Variants in DOP1B observed in about 807,000 individuals in gnomAD.
DOP1B encodes protein DOP1B.
Under a neutral mutation model 233.5 loss-of-function variants are expected in DOP1B, and 174 were observed. That is an observed-to-expected ratio of 0.75 (90% CI 0.66 to 0.85). The LOEUF is 0.85. Among genes scored for constraint, DOP1B ranks in the 40% least tolerant of loss-of-function variants. The pLI is 0.00. For synonymous variants in DOP1B, 1,190 were observed against 1,185.6 expected, an observed-to-expected ratio of 1.00 and a Z score of -0.08; for missense variants, 2,652 against 2,846.6, an observed-to-expected ratio of 0.93 and a Z score of 1.56.
In DOP1B at chr21:36,263,056, G is replaced by A. The variant is rs2067191316; in HGVS notation, c.5316-490G>A. ...TCGAGATCAGCCTGGGCAACACGGT[G>A]AAACCCCGTCGCTACTAAAAATACA... On this transcript the variant is annotated intron_variant, in intron 24 of 36. Coordinates refer to ENST00000691173, the MANE Select transcript of DOP1B (RefSeq NM_001320714.2). 3.3e-5 allele frequency among the ~76,000 whole-genome samples: 5 copies of A among 152,006 alleles called. No homozygotes were observed. In the South Asian group the frequency reaches 1.0e-3, roughly 32 times the overall value.
intron 23 of DOP1B, among the ~76,000 whole-genome samples, chr21:36,258,634 C>T (rs1200799270): frequency 6.6e-6 from 1 of 152,192 alleles, no homozygotes. Flanking sequence ...TTGGGCGTCA[C>T]CCAGTCAGTT....
chr21:36,277,346 G>A (rs190735358), intron 28 of DOP1B, among the ~76,000 whole-genome samples: 1 of 151,944 alleles, frequency 6.6e-6, no homozygotes, highest in Non-Finnish European at 1.5e-5. Context: ...GCAGTGGCGC[G>A]ATCTCAGCTC....
Position 36,233,078 on chromosome 21 carries a change from A to G in DOP1B, c.2622+3A>G, listed in dbSNP as rs748169978. ...CAGAGAAAACAGATTTCTATCAGGTATTTCCCACTGGGAACACTCTTCTTA... is the reference window on the plus strand; with the variant it reads ...CAGAGAAAACAGATTTCTATCAGGTGTTTCCCACTGGGAACACTCTTCTTA... On this transcript the variant is annotated splice_donor_region_variant and intron_variant, in intron 15 of 36. Transcript: ENST00000691173. 12 of 1,613,770 alleles carry G rather than the reference A, an allele frequency of 7.4e-6. No homozygotes were observed. The highest frequency in any genetic ancestry group is 1.0e-5 in the Non-Finnish European group (12 of 1,179,820).
intron 4 of DOP1B, among the ~76,000 whole-genome samples, chr21:36,207,431 C>T (rs989517541): frequency 6.1e-4 from 93 of 151,534 alleles, no homozygotes; most frequent in Non-Finnish European, 2.1e-4. Flanking sequence ...GTGATCCACC[C>T]GCCTCAGCCT....
intron 2 of DOP1B, among the ~76,000 whole-genome samples, chr21:36,178,652 A>C (rs904222232): frequency 6.6e-6 from 1 of 152,202 alleles, no homozygotes; most frequent in African/African-American, 2.4e-5. Flanking sequence ...TGGGCCAACT[A>C]ATACAGAAGG....
At chr21:36,240,043 A>T (rs2066875764) in intron 18 of DOP1B, 88 bp downstream of exon 18, 1 of 1,410,192 alleles carries the variant, frequency 7.1e-7, no homozygotes, top group East Asian at 2.5e-5. Context: ...ACTGAGGCCC[A>T]CTAGGGGGTT....
At chr21:36,158,802 C>CAA (rs386394681) in intron 1 of DOP1B, among the ~76,000 whole-genome samples, 44,747 of 92,866 alleles carry the variant, frequency 0.48, 8,809 homozygotes, top group Middle Eastern at 0.55. Context: ...ACTCTTGTCT[C>CAA]AAAAAAAAAA....
intron 1 of DOP1B, 44 bp from the exon 2 acceptor site, chr21:36,164,664 C>G: frequency 1.4e-6 from 2 of 1,444,342 alleles, no homozygotes; most frequent in Non-Finnish European, 1.8e-6. Flanking sequence ...GATTTGTATC[C>G]CCAAATGGCT....
At position 36,168,046 on chromosome 21, in the gene DOP1B, C is replaced by T. The variant is rs148771565; in HGVS notation, c.138+3175C>T. ...GCAACCTCCACCTTCTAGGTTGAAG[C>T]GATTCTCCTGCCTCAGCCTCCCGAG... On this transcript the variant is annotated intron_variant, in intron 2 of 36. Transcript: ENST00000691173. Among the ~76,000 whole-genome samples the T allele has an allele frequency of 2.7e-3, 387 of 145,130 alleles. 1 individual carries two copies. The highest frequency in any genetic ancestry group is 9.6e-3 in the African/African-American group (370 of 38,624).
At chr21:36,250,992 G>C (rs1404210268) in intron 21 of DOP1B, among the ~76,000 whole-genome samples, 170 bp from the exon 22 acceptor site, 1 of 152,200 alleles carries the variant, frequency 6.6e-6, no homozygotes, top group African/African-American at 2.4e-5. Context: ...GAAAGGGTTT[G>C]ATTCCTCCCA....
intron 2 of DOP1B, among the ~76,000 whole-genome samples, chr21:36,189,737 A>G (rs1381885630): frequency 6.8e-6 from 1 of 147,492 alleles, no homozygotes; most frequent in Non-Finnish European, 1.5e-5. Flanking sequence ...TGGGTTAGGC[A>G]CAGTGGCTCA....
At chr21:36,211,909 G>T in intron 6 of DOP1B, 65 bp from the exon 7 acceptor site, 1 of 1,607,512 alleles carries the variant, frequency 6.2e-7, no homozygotes, top group African/African-American at 1.3e-5. Context: ...GAAGGGCTGC[G>T]TGTCAAAAAG....
intron 21 of DOP1B, among the ~76,000 whole-genome samples, chr21:36,250,363 C>T (rs1482549054): frequency 6.6e-6 from 1 of 152,172 alleles, no homozygotes; most frequent in East Asian, 1.9e-4. Flanking sequence ...GAGATGAAGT[C>T]CCTGCCCCTG....
chr21:36,182,684 C>T (rs1286485438), intron 2 of DOP1B, among the ~76,000 whole-genome samples: 3 of 152,114 alleles, frequency 2.0e-5, no homozygotes, highest in Non-Finnish European at 4.4e-5. Flanking sequence ...TTAAAGTTAG[C>T]CAGGTGTGAC....
chr21:36,192,828 C>T (rs1354111646), intron 2 of DOP1B, among the ~76,000 whole-genome samples: 1 of 151,798 alleles, frequency 6.6e-6, no homozygotes, highest in Non-Finnish European at 1.5e-5. Flanking sequence ...GCTGGGACTA[C>T]AGGCGCCCGC....
intron 35 of DOP1B, among the ~76,000 whole-genome samples, chr21:36,289,961 A>G (rs2067537371): frequency 6.6e-6 from 1 of 152,220 alleles, no homozygotes; most frequent in African/African-American, 2.4e-5. Context: ...ATACAGAGCT[A>G]TAATGGTAGA....
At chr21:36,235,863 C>CGGGG (rs368106815) in intron 15 of DOP1B, among the ~76,000 whole-genome samples, 4 of 113,106 alleles carry the variant, frequency 3.5e-5, no homozygotes, top group East Asian at 2.8e-4. Flanking sequence ...GCAAGGAAGT[C>CGGGG]GGGGGGGGGG....
chr21:36,167,242 G>A (rs189931601), intron 2 of DOP1B, among the ~76,000 whole-genome samples: 2 of 152,142 alleles, frequency 1.3e-5, no homozygotes, highest in African/African-American at 4.8e-5. Context: ...ACACGATCTC[G>A]GCTCATGACA....
At chr21:36,219,958 C>A (rs2066606562) in intron 10 of DOP1B, among the ~76,000 whole-genome samples, 1 of 151,726 alleles carries the variant, frequency 6.6e-6, no homozygotes, top group East Asian at 1.9e-4. Flanking sequence ...TTGGGGGAGA[C>A]CCAGGCAGGG....
Sources: gnomAD v4.1 joint callset for allele counts (sites outside exome capture counted in the v4.1 genomes callset) on GRCh38, gnomAD v4.1.1 for gene constraint, MANE v1.5 for transcripts, NCBI Gene and HGNC (gene_info 2026-07-23, HGNC 2026-07-21) for gene names.